The following WWTR1 variants were observed in gnomAD, a reference collection of about 807,000 sequenced individuals.
WWTR1 encodes the protein WW domain-containing transcription regulator protein 1.
A neutral mutation model predicts 40.1 loss-of-function variants in WWTR1; 13 were observed. The observed-to-expected ratio is 0.32, with a 90% CI of 0.21 to 0.52. The LOEUF is 0.52. Ranked by LOEUF, WWTR1 falls within the 20% of genes least tolerant of loss-of-function variation. The pLI is 0.97. For synonymous variants in WWTR1, 230 were observed against 210.1 expected (o/e 1.09, Z -0.82); for missense variants, 436 against 523.1 (o/e 0.83, Z 1.63).
chr3:149,572,921 C>G lies in WWTR1; in HGVS notation c.511G>C (p.Ala171Pro). Residue 171 changes from alanine to proline, a missense_variant, in exon 3 of 7, where the codon GCC becomes CCC. By Grantham distance (27) the Ala-to-Pro change is conservative. Coordinates refer to ENST00000360632, the MANE Select transcript of WWTR1 (RefSeq NM_015472.6). The stretch of plus-strand genomic sequence containing the variant: ...TGAGGCACTGGTGTGGAACTGACGG[C>G]AGGGTGGAGGTTCATATGATTCAGA... ...QPLNHMNLHP[A>P]VSSTPVPQRS... 6.2e-7 allele frequency: 1 copy of G among 1,613,768 alleles called. No individual in the cohort carries two copies. Among genetic ancestry groups the G allele is most frequent in the South Asian group, 1.1e-5 (1 of 91,018 alleles).
intron 2 of WWTR1, among the ~76,000 whole-genome samples, chr3:149,655,932 T>C (rs1346612602): frequency 6.6e-6 from 1 of 152,166 alleles, no homozygotes; most frequent in Non-Finnish European, 1.5e-5. Context: ...GGAGAGGAGT[T>C]TCCCTCACTG....
At chr3:149,597,989 T>G (rs1253918689) in intron 2 of WWTR1, among the ~76,000 whole-genome samples, 2 of 152,232 alleles carry the variant, frequency 1.3e-5, no homozygotes, top group African/African-American at 4.8e-5. Context: ...CTGTATCTGC[T>G]TCACTCAAAA....
intron 1 of WWTR1, among the ~76,000 whole-genome samples, chr3:149,673,391 TG>T (rs1355910539): frequency 2.0e-5 from 3 of 152,226 alleles, no homozygotes; most frequent in Non-Finnish European, 4.4e-5. Context: ...AATTCTATCT[TG>T]TGTAGTAGAG....
chr3:149,598,719 TTTAA>T (rs1413488291), intron 2 of WWTR1, among the ~76,000 whole-genome samples: 3 of 152,218 alleles, frequency 2.0e-5, no homozygotes, highest in Non-Finnish European at 2.9e-5. Flanking sequence ...AACATCATAA[TTTAA>T]TTAACAATTC....
chr3:149,618,244 C>T (rs1216207208), intron 2 of WWTR1, among the ~76,000 whole-genome samples: 5 of 151,996 alleles, frequency 3.3e-5, no homozygotes, highest in Admixed American at 6.6e-5. Context: ...CTTGAGCCAA[C>T]AAGCTGCCTG....
chr3:149,642,774 C>CA (rs1208125999), intron 2 of WWTR1, among the ~76,000 whole-genome samples: 1,733 of 61,634 alleles, frequency 0.028, 8 homozygotes, highest in Non-Finnish European at 0.03. Flanking sequence ...GACTCCGTCT[C>CA]AAAAAAAAAA....
intron 3 of WWTR1, among the ~76,000 whole-genome samples, chr3:149,556,487 G>C (rs1039032988): frequency 6.6e-6 from 1 of 152,210 alleles, no homozygotes; most frequent in African/African-American, 2.4e-5. Flanking sequence ...GCTGAGGCGG[G>C]AGAATTGCTT....
chr3:149,620,320 A>G (rs559793272), intron 2 of WWTR1, among the ~76,000 whole-genome samples: 1 of 152,282 alleles, frequency 6.6e-6, no homozygotes, highest in Non-Finnish European at 1.5e-5. Context: ...CCTCCATGAT[A>G]TGAGACCTGA....
At chr3:149,651,922 G>T (rs866404281) in intron 2 of WWTR1, among the ~76,000 whole-genome samples, 26 of 145,878 alleles carry the variant, frequency 1.8e-4, no homozygotes, top group African/African-American at 6.6e-4. Context: ...CTCCGCCTCC[G>T]GGGTTCACAC....
At chr3:149,669,889 T>C (rs1044460830) in exon 2 of WWTR1, 3 of 152,076 alleles carry the variant, frequency 2.0e-5, no homozygotes, top group Non-Finnish European at 4.4e-5. Flanking sequence ...TTGGGGAAAA[T>C]GCCTGCAAAA....
chr3:149,612,586 G>A (rs1396256796), intron 2 of WWTR1, among the ~76,000 whole-genome samples: 1 of 152,086 alleles, frequency 6.6e-6, no homozygotes, highest in Non-Finnish European at 1.5e-5. Context: ...TCTTTTCAGG[G>A]AAGTGCCATA....
At position 149,586,747 on chromosome 3, in the gene WWTR1, A is replaced by ACCACAT. The variant is rs1738448285; in HGVS notation, c.432-13753_432-13748dup. On this transcript the variant is annotated intron_variant, in intron 2 of 6. Coordinates refer to ENST00000360632, the MANE Select transcript of WWTR1 (RefSeq NM_015472.6). ...GGAGGATTCGAACTTTCAGTCCCACACCACATCCCAACCTTCAGGGAAGGG... is the reference window on the plus strand; with the variant it reads ...GGAGGATTCGAACTTTCAGTCCCACACCACATCCACATCCCAACCTTCAGGGAAGGG... Among the ~76,000 whole-genome samples, 3 of 152,208 alleles carry ACCACAT rather than the reference A, an allele frequency of 2.0e-5. No homozygotes were observed. The South Asian group carries it at 6.2e-4, about 31-fold the overall frequency.
At position 149,575,096 on chromosome 3, in the gene WWTR1, C is replaced by G. The variant is rs537944875; in HGVS notation, c.432-2096G>C. Among the ~76,000 whole-genome samples the G allele has an allele frequency of 3.4e-5, 5 of 149,090 alleles. No individual in the cohort carries two copies. In the East Asian group the frequency reaches 5.8e-4, roughly 17 times the overall value. ...GCAGCAGAGTGAGACTCCATCCCCCCCAAAAAAAAAAGATGGGGAAATACT... is the reference window on the plus strand; with the variant it reads ...GCAGCAGAGTGAGACTCCATCCCCCGCAAAAAAAAAAGATGGGGAAATACT... On this transcript the variant is annotated intron_variant, in intron 2 of 6. Coordinates refer to ENST00000360632, the MANE Select transcript of WWTR1 (RefSeq NM_015472.6).
upstream of WWTR1, chr3:149,660,155 A>G (rs4681532): frequency 0.31 from 47,621 of 152,018 alleles, 7,800 homozygotes; most frequent in Middle Eastern, 0.49. Flanking sequence ...AGCTACTCTC[A>G]GAAGCCATCA....
intron 2 of WWTR1, among the ~76,000 whole-genome samples, chr3:149,610,723 C>A (rs1347316825): frequency 6.6e-6 from 1 of 152,204 alleles, no homozygotes; most frequent in Non-Finnish European, 1.5e-5. Context: ...GGGTTGCCAA[C>A]TTCTGAAAGC....
At chr3:149,649,722 G>C (rs1339434517) in intron 2 of WWTR1, 1 of 152,052 alleles carries the variant, frequency 6.6e-6, no homozygotes, top group Non-Finnish European at 1.5e-5. Context: ...TTTGAGACCA[G>C]CCTGGCCAAC....
chr3:149,710,517 T>C (rs1715446980), intron 5 of WWTR1, among the ~76,000 whole-genome samples: 1 of 149,776 alleles, frequency 6.7e-6, no homozygotes, highest in Admixed American at 6.7e-5. Flanking sequence ...ATTGTGAAAT[T>C]AGATAAATTG....
At chr3:149,717,289 G>C (rs1476227423) in intron 5 of WWTR1, among the ~76,000 whole-genome samples, 1 of 152,116 alleles carries the variant, frequency 6.6e-6, no homozygotes, top group Non-Finnish European at 1.5e-5. Flanking sequence ...ACAATTTTAG[G>C]CTATCTTCAG....
At position 149,612,812 on chromosome 3, in the gene WWTR1, C is replaced by T. The variant is rs541056024; in HGVS notation, c.432-39812G>A. On this transcript the variant is annotated intron_variant, in intron 2 of 6. Coordinates refer to ENST00000360632, the MANE Select transcript of WWTR1 (RefSeq NM_015472.6). ...AAATGGTTTCTTTAACCATGAACAT[C>T]GTCTCCTCTTAACTCCCTCCCCATG... Among the ~76,000 whole-genome samples the T allele has an allele frequency of 2.7e-4, 41 of 152,270 alleles. No homozygotes were observed. The East Asian group carries it at 6.0e-3, about 22-fold the overall frequency.
Sources: gnomAD v4.1 joint callset for allele counts (sites outside exome capture counted in the v4.1 genomes callset) on GRCh38, gnomAD v4.1.1 for gene constraint, MANE v1.5 for transcripts, NCBI Gene and HGNC (gene_info 2026-07-23, HGNC 2026-07-21) for gene names.